Variants in SYBU observed in about 807,000 individuals in gnomAD.
SYBU encodes syntabulin.
A neutral mutation model predicts 35.9 loss-of-function variants in SYBU; 21 were observed. That is an observed-to-expected ratio of 0.58 (90% CI 0.41 to 0.84). The LOEUF (loss-of-function observed/expected upper bound fraction) is 0.84, where lower values mean the gene tolerates loss of function less well. Ranked by LOEUF, SYBU falls within the 40% of genes least tolerant of loss-of-function variation. The pLI is 0.00. For missense variants in SYBU, 768 were observed against 848.2 expected (o/e 0.91, Z 1.17); for synonymous variants, 319 against 324.3 (o/e 0.98, Z 0.18).
At chr8:109,616,002 CTTTCTTTT>C (rs1563726038) in intron 3 of SYBU, among the ~76,000 whole-genome samples, 258 of 99,130 alleles carry the variant, frequency 2.6e-3, no homozygotes, top group African/African-American at 9.7e-3. Flanking sequence ...CTTTTCTTTT[CTTTCTTTT>C]TTTTTTTTTT....
intron 2 of SYBU, among the ~76,000 whole-genome samples, chr8:109,619,281 C>T (rs1485257380): frequency 5.9e-5 from 9 of 151,400 alleles, no homozygotes; most frequent in Admixed American, 2.0e-4. Context: ...TGAAGTGCAG[C>T]GGCGTGATCT....
In SYBU at chr8:109,586,105, A is replaced by C. The variant is rs1403559761; in HGVS notation, c.485T>G (p.Val162Gly). The C allele has an allele frequency of 6.2e-7, 1 of 1,612,144 alleles. No individual in the cohort carries two copies. The highest frequency in any genetic ancestry group is 1.7e-5 in the Admixed American group (1 of 59,808). The change falls in exon 4 of 7, where the codon GTC (valine) becomes GGC (glycine). Residue 162 changes from valine (V) to glycine (G), a missense_variant. Coordinates refer to ENST00000276646, the MANE Select transcript of SYBU (RefSeq NM_001099754.2). ...CTTGCTTCCCGCAGTCGACATATGG[A>C]CCTCAGGAGCGGAAATGCTGCCTGT... ...SSTGSISAPE[V>G]HMSTAGSKRS...
chr8:109,626,148 G>C (rs896431467), intron 2 of SYBU, among the ~76,000 whole-genome samples: 1 of 152,148 alleles, frequency 6.6e-6, no homozygotes, highest in Non-Finnish European at 1.5e-5. Context: ...TTACTGATCT[G>C]TAAGAACTCT....
chr8:109,627,456 A>G (rs1813114200), intron 2 of SYBU, among the ~76,000 whole-genome samples: 1 of 152,208 alleles, frequency 6.6e-6, no homozygotes, highest in Non-Finnish European at 1.5e-5. Context: ...AGGCAAGAAA[A>G]CTAACATTTA....
intron 3 of SYBU, among the ~76,000 whole-genome samples, chr8:109,598,498 AC>A (rs1487463188): frequency 6.6e-6 from 1 of 152,202 alleles, no homozygotes; most frequent in African/African-American, 2.4e-5. Context: ...GTAAAAAGGG[AC>A]TAAAAGAGTA....
Position 109,574,629 on chromosome 8 carries a change from C to A in SYBU, c.*277G>T, listed in dbSNP as rs776111259. 3.0e-5 allele frequency: 10 copies of A among 332,632 alleles called. No individual in the cohort carries two copies. The highest frequency in any genetic ancestry group is 6.3e-5 in the African/African-American group (3 of 47,292). 20.6% of individuals were successfully genotyped at this position (332,632 alleles called of 1,614,324 possible). ...GCAAACTGCGTTTTCTCTTCCTGAA[C>A]CACTAGGATAAGAACGGGTACCTCA... On this transcript the variant is annotated 3_prime_UTR_variant, in exon 7 of 7. Transcript: ENST00000276646.
chr8:109,682,769 A>G (rs1044646975), upstream of SYBU, among the ~76,000 whole-genome samples: 1 of 152,186 alleles, frequency 6.6e-6, no homozygotes, highest in Non-Finnish European at 1.5e-5. Context: ...CCCTCCCATC[A>G]CAGACCCAGA....
chr8:109,691,361 G>T lies in SYBU; in HGVS notation c.-86C>A. ...TTCTCGCCCAGAAGGGCCCCATCGCGCTGTCCAGGAGGAGGCACCTACGTG... is the reference window on the plus strand; with the variant it reads ...TTCTCGCCCAGAAGGGCCCCATCGCTCTGTCCAGGAGGAGGCACCTACGTG... On this transcript the variant is annotated 5_prime_UTR_variant, in exon 1 of 8. Coordinates refer to the SYBU transcript ENST00000422135. The surrounding 1 kb of genome is among the most constrained non-coding windows in gnomAD (Gnocchi z 4.7). The T allele has an allele frequency of 2.9e-6, 2 of 701,750 alleles. No homozygotes were observed. The highest frequency in any genetic ancestry group is 1.5e-5 in the South Asian group (1 of 67,444). 43.5% of individuals were successfully genotyped at this position (701,750 alleles called of 1,614,324 possible).
intron 1 of SYBU, among the ~76,000 whole-genome samples, chr8:109,690,183 G>A (rs1320136189): frequency 6.6e-6 from 1 of 152,072 alleles, no homozygotes; most frequent in African/African-American, 2.4e-5. Context: ...TCTGCACTAT[G>A]ATAATGTATT....
chr8:109,609,443 G>A lies in SYBU; in HGVS notation c.427+9399C>T, dbSNP rs1358462913. On this transcript the variant is annotated intron_variant, in intron 3 of 6. Coordinates refer to ENST00000276646, the MANE Select transcript of SYBU (RefSeq NM_001099754.2). ...AAATACTGTCAGTGGCTAAGTTGTA[G>A]CAATCACAAAAACCTATATTCCTTT... 3.9e-5 allele frequency among the ~76,000 whole-genome samples: 6 copies of A among 152,288 alleles called. No individual in the cohort carries two copies. In the East Asian group the frequency reaches 1.2e-3, roughly 29 times the overall value.
intron 2 of SYBU, among the ~76,000 whole-genome samples, chr8:109,639,365 CAT>C (rs1814598872): frequency 1.3e-5 from 2 of 152,144 alleles, no homozygotes; most frequent in African/African-American, 2.4e-5. Flanking sequence ...AATTTTAGAA[CAT>C]ATGACGCTTT....
At chr8:109,621,218 T>C (rs1812366319) in intron 2 of SYBU, among the ~76,000 whole-genome samples, 1 of 152,242 alleles carries the variant, frequency 6.6e-6, no homozygotes, top group African/African-American at 2.4e-5. Flanking sequence ...TATTACATTT[T>C]TCTGAAGTTA....
chr8:109,625,358 T>G (rs1812874845), intron 2 of SYBU, among the ~76,000 whole-genome samples: 1 of 152,234 alleles, frequency 6.6e-6, no homozygotes, highest in African/African-American at 2.4e-5. Context: ...GTATTTTATT[T>G]GATTTCTTGA....
chr8:109,645,649 G>A, upstream of SYBU: 1 of 256,656 alleles, frequency 3.9e-6, no homozygotes, highest in South Asian at 3.7e-5. Context: ...TTTTTTTTCC[G>A]TTGCTGTTGA....
Position 109,691,584 on chromosome 8 carries a change from C to T in SYBU, c.-309G>A. ...TCGGCCTCTGCAGCCAGCCGGGCGGCTGCTGGGGCTGAGGACAAAATGGAG... is the reference window on the plus strand; with the variant it reads ...TCGGCCTCTGCAGCCAGCCGGGCGGTTGCTGGGGCTGAGGACAAAATGGAG... On this transcript the variant is annotated 5_prime_UTR_variant, in exon 1 of 8. Coordinates refer to the SYBU transcript ENST00000422135. The surrounding 1 kb of genome is among the most constrained non-coding windows in gnomAD (Gnocchi z 4.7). The T allele has an allele frequency of 2.3e-6, 1 of 435,608 alleles. No individual in the cohort carries two copies. The highest frequency in any genetic ancestry group is 4.0e-6 in the Non-Finnish European group (1 of 249,102). 27.0% of individuals were successfully genotyped at this position (435,608 alleles called of 1,614,324 possible).
chr8:109,688,565 T>C (rs1294397602), intron 1 of SYBU, among the ~76,000 whole-genome samples: 1 of 152,200 alleles, frequency 6.6e-6, no homozygotes, highest in Non-Finnish European at 1.5e-5. Flanking sequence ...AAAAGACTTT[T>C]CAGATATTTC....
chr8:109,612,765 A>G (rs1361317402), intron 3 of SYBU, among the ~76,000 whole-genome samples: 1 of 152,192 alleles, frequency 6.6e-6, no homozygotes, highest in Non-Finnish European at 1.5e-5. Flanking sequence ...AGATCACCTG[A>G]GGTCTGGAGT....
At chr8:109,684,552 C>A (rs1817476556), upstream of SYBU, among the ~76,000 whole-genome samples, 1 of 152,170 alleles carries the variant, frequency 6.6e-6, no homozygotes, top group Non-Finnish European at 1.5e-5. Context: ...ATCAATCTAG[C>A]TCAGGGTGTT....
upstream of SYBU, chr8:109,645,653 C>CTTTTTTTTT (rs1815617775): frequency 3.8e-6 from 1 of 265,944 alleles, no homozygotes; most frequent in African/African-American, 3.5e-5. Context: ...TTTTCCGTTG[C>CTTTTTTTTT]TGTTGAAACG....
Sources: allele counts gnomAD v4.1 joint callset (sites outside exome capture counted in the v4.1 genomes callset), GRCh38; gene constraint gnomAD v4.1.1; non-coding constraint Gnocchi (gnomAD v3.1); transcripts MANE v1.5; gene names NCBI Gene and HGNC (gene_info 2026-07-23, HGNC 2026-07-21).